The following CFAP221 variants were observed in gnomAD, a reference collection of about 807,000 sequenced individuals.
The protein encoded by CFAP221 is cilia- and flagella-associated protein 221.
CFAP221 carries 97 observed loss-of-function variants against 113.1 expected under a neutral mutation model. That is an observed-to-expected ratio of 0.86 (90% CI 0.73 to 1.02). CFAP221 has a LOEUF of 1.02. Ranked by LOEUF, CFAP221 falls within the 50% of genes least tolerant of loss-of-function variation. CFAP221 has a pLI of 0.00. For synonymous variants in CFAP221, 331 were observed against 354.4 expected, an observed-to-expected ratio of 0.93 and a Z score of 0.74; for missense variants, 1,025 against 1,013.4, an observed-to-expected ratio of 1.01 and a Z score of -0.16.
intron 13 of CFAP221, 68 bp downstream of exon 13, chr2:119,611,810 C>T: frequency 8.7e-7 from 1 of 1,153,056 alleles, no homozygotes; most frequent in Non-Finnish European, 1.3e-6. Context: ...TTTTTGAATG[C>T]TAAACAATTT....
chr2:119,548,108 C>T (rs994396266), intron 2 of CFAP221, among the ~76,000 whole-genome samples: 2 of 151,984 alleles, frequency 1.3e-5, no homozygotes, highest in East Asian at 1.9e-4. Context: ...GGATCACAAG[C>T]GCACACTACC....
intron 23 of CFAP221, among the ~76,000 whole-genome samples, chr2:119,654,259 CAGTT>C (rs1688297436): frequency 1.3e-5 from 2 of 152,210 alleles, no homozygotes; most frequent in South Asian, 4.1e-4. Flanking sequence ...CTGTTTTGAT[CAGTT>C]AATTAATTAA....
At chr2:119,553,415 A>G (rs1680566950) in intron 3 of CFAP221, among the ~76,000 whole-genome samples, 1 of 152,222 alleles carries the variant, frequency 6.6e-6, no homozygotes, top group Non-Finnish European at 1.5e-5. Context: ...AGGAACGTGC[A>G]TGTGATTCAG....
intron 6 of CFAP221, among the ~76,000 whole-genome samples, chr2:119,578,340 C>T (rs1682599839): frequency 6.6e-6 from 1 of 152,114 alleles, no homozygotes; most frequent in South Asian, 2.1e-4. Context: ...TTATTTGAAA[C>T]CTGCCACAAC....
At chr2:119,562,144 T>C (rs1681290067) in intron 6 of CFAP221, 30 bp downstream of exon 6, 2 of 1,441,434 alleles carry the variant, frequency 1.4e-6, no homozygotes, top group African/African-American at 1.4e-5. Flanking sequence ...ACAAAATGTA[T>C]AGGATGTGAA....
intron 7 of CFAP221, among the ~76,000 whole-genome samples, chr2:119,589,068 TG>T (rs1683412143): frequency 6.6e-6 from 1 of 152,208 alleles, no homozygotes; most frequent in Non-Finnish European, 1.5e-5. Flanking sequence ...CGTCTTTTGC[TG>T]GTTTGAATGA....
intron 6 of CFAP221, among the ~76,000 whole-genome samples, chr2:119,576,108 A>G (rs1341828095): frequency 6.6e-6 from 1 of 152,222 alleles, no homozygotes; most frequent in South Asian, 2.1e-4. Context: ...AGAAACCATC[A>G]AGCCCCCTTG....
intron 17 of CFAP221, 61 bp downstream of exon 17, chr2:119,630,016 GA>G (rs1686655702): frequency 1.4e-6 from 2 of 1,389,798 alleles, no homozygotes; most frequent in Non-Finnish European, 2.0e-6. Flanking sequence ...AAATATTCTT[GA>G]ATTTGAATTG....
intron 21 of CFAP221, among the ~76,000 whole-genome samples, chr2:119,641,843 C>G (rs1687509590): frequency 6.6e-6 from 1 of 152,172 alleles, no homozygotes; most frequent in Non-Finnish European, 1.5e-5. Flanking sequence ...AGTCAGTAAA[C>G]CGGGTCTGGG....
chr2:119,647,170 G>C, intron 22 of CFAP221, 120 bp downstream of exon 22: 4 of 713,400 alleles, frequency 5.6e-6, no homozygotes, highest in Non-Finnish European at 4.6e-6. Flanking sequence ...CAAATGAGAA[G>C]ATAAGGCTAA....
intron 3 of CFAP221, among the ~76,000 whole-genome samples, chr2:119,554,515 T>A (rs1680646929): frequency 6.6e-6 from 1 of 152,174 alleles, no homozygotes; most frequent in African/African-American, 2.4e-5. Flanking sequence ...GCCTAAAAAG[T>A]CTTACCTTAA....
intron 17 of CFAP221, 94 bp from the exon 18 acceptor site, chr2:119,630,476 A>G: frequency 3.3e-6 from 3 of 921,138 alleles, no homozygotes; most frequent in Non-Finnish European, 5.1e-6. Flanking sequence ...TCTTACTTTT[A>G]CCACCAGGAA....
Position 119,646,940 on chromosome 2 carries a change from T to A in CFAP221, c.2226-18T>A. On this transcript the variant is annotated intron_variant, in intron 21 of 23. Coordinates refer to ENST00000413369, the MANE Select transcript of CFAP221 (RefSeq NM_001271049.2). ...TAGTGTGACTCTATCTTTGACTGCT[T>A]GTGTGGTTTTTCCACAGCTGCGATT... 1 of 1,601,444 alleles carries A rather than the reference T, an allele frequency of 6.2e-7. No homozygotes were observed. The highest frequency in any genetic ancestry group is 8.5e-7 in the Non-Finnish European group (1 of 1,169,604).
intron 12 of CFAP221, among the ~76,000 whole-genome samples, chr2:119,609,382 G>C (rs1684993644): frequency 6.6e-6 from 1 of 152,218 alleles, no homozygotes; most frequent in Non-Finnish European, 1.5e-5. Context: ...GCTTAAAACA[G>C]CAGAAATTTA....
intron 11 of CFAP221, among the ~76,000 whole-genome samples, chr2:119,607,259 T>G (rs1684838841): frequency 6.6e-6 from 1 of 152,198 alleles, no homozygotes; most frequent in South Asian, 2.1e-4. Flanking sequence ...TCCAAAGTGC[T>G]GGGATTACAA....
At chr2:119,622,056 C>CA (rs548509159) in intron 14 of CFAP221, among the ~76,000 whole-genome samples, 170 of 152,088 alleles carry the variant, frequency 1.1e-3, no homozygotes, top group East Asian at 6.6e-3. Flanking sequence ...AAGAACCCTT[C>CA]AAAAAATCAA....
Position 119,562,049 on chromosome 2 carries a change from T to C in CFAP221, c.462T>C (p.Tyr154=). 6 of 1,535,308 alleles carry C rather than the reference T, an allele frequency of 3.9e-6. No homozygotes were observed. The highest frequency in any genetic ancestry group is 1.4e-5 in the African/African-American group (1 of 73,128). Residue 154 remains tyrosine (Y), a synonymous_variant, in exon 6 of 24, where the codon TAT becomes TAC. Coordinates refer to ENST00000413369, the MANE Select transcript of CFAP221 (RefSeq NM_001271049.2). Reference sequence around the variant, plus strand: ...CTTTGCTTGTTCCTATTCATGCCTATCCAGTCATGAACTCACTAGACTTTC... The same window carrying C: ...CTTTGCTTGTTCCTATTCATGCCTACCCAGTCATGAACTCACTAGACTTTC... ...DDTLLVPIHA[Y]PVMNSLDFPS...
intron 22 of CFAP221, among the ~76,000 whole-genome samples, chr2:119,649,700 G>C (rs1199940527): frequency 6.6e-6 from 1 of 152,218 alleles, no homozygotes; most frequent in Admixed American, 6.5e-5. Flanking sequence ...TATTCCCTGA[G>C]TGTCACAGGG....
chr2:119,573,110 GC>G (rs1682185670), intron 6 of CFAP221: 1 of 153,058 alleles, frequency 6.5e-6, no homozygotes, highest in Non-Finnish European at 1.5e-5. Context: ...GCACTCTTAA[GC>G]TAGTGCTAAG....
Sources: allele counts gnomAD v4.1 joint callset (sites outside exome capture counted in the v4.1 genomes callset), GRCh38; gene constraint gnomAD v4.1.1; transcripts MANE v1.5; gene names NCBI Gene and HGNC (gene_info 2026-07-23, HGNC 2026-07-21).